The following MAPK8IP3 variants were observed in gnomAD, a reference collection of about 807,000 sequenced individuals.
The protein encoded by MAPK8IP3 is C-Jun-amino-terminal kinase-interacting protein 3.
In MAPK8IP3, 49 loss-of-function variants were observed where a neutral mutation model predicts 157.8. That is an observed-to-expected ratio of 0.31 (90% confidence interval 0.25 to 0.39). The LOEUF (loss-of-function observed/expected upper bound fraction) is 0.39. MAPK8IP3 is among the 10% of genes least tolerant of loss of function. MAPK8IP3 has a pLI of 1.00. For missense variants in MAPK8IP3, 1,478 were observed against 1,889.4 expected, an observed-to-expected ratio of 0.78 and a Z score of 4.04; for synonymous variants, 897 against 777.7, an observed-to-expected ratio of 1.15 and a Z score of -2.55.
chr16:1,761,827 T>C (rs1415881038), intron 13 of MAPK8IP3, among the ~76,000 whole-genome samples: 2 of 152,238 alleles, frequency 1.3e-5, no homozygotes, highest in Non-Finnish European at 2.9e-5. Context: ...CCATTCACCA[T>C]TCACCATTCA....
intron 7 of MAPK8IP3, 33 bp from the exon 8 acceptor site, chr16:1,748,569 C>T (rs1410311887): frequency 1.3e-6 from 2 of 1,566,678 alleles, no homozygotes; most frequent in Admixed American, 1.7e-5. Context: ...CCCACTGACT[C>T]TGCTCTCTCT....
chr16:1,752,534 G>C (rs749720769), intron 8 of MAPK8IP3: 1 of 345,958 alleles, frequency 2.9e-6, no homozygotes, highest in Non-Finnish European at 5.8e-6. Flanking sequence ...CCTGCGCCTA[G>C]GAGTTCAAGA....
Position 1,706,429 on chromosome 16 carries a change from G to C in MAPK8IP3, c.90G>C (p.Ser30=), listed in dbSNP as rs368783950. ...GCTCGGTGATGTCGGAGCGGGTGTC[G>C]GGCCTGGCGGGCTCCATCTACCGCG... ...CSGSVMSERV[S]GLAGSIYREF... The change falls in exon 1 of 32, where the codon TCG becomes TCC. Residue 30 remains serine, a synonymous_variant. Coordinates refer to ENST00000610761, the MANE Select transcript of MAPK8IP3 (RefSeq NM_001318852.2). This position sits in a 1 kb window ranked among gnomAD's most constrained non-coding sequence, Gnocchi z 5.1. 1 of 1,613,746 alleles carries C rather than the reference G, an allele frequency of 6.2e-7. No individual in the cohort carries two copies. Among genetic ancestry groups the C allele is most frequent in the Non-Finnish European group, 8.5e-7 (1 of 1,179,918 alleles).
rs200111591 is a variant in MAPK8IP3 at position 1,765,985 on chromosome 16, C to G, written c.2472C>G (p.Pro824=). Residue 824 remains proline, a synonymous_variant, in exon 21 of 32, where the codon CCC becomes CCG. Transcript: ENST00000610761. The part of the protein sequence containing the change: ...IPAASDSDYP[P]GEMFLDSDVN... ...CGGCCAGCGACAGCGACTACCCTCC[C>G]GGGGAGATGTTCCTGGACAGCGACG... 3 of 1,612,392 alleles carry G rather than the reference C, an allele frequency of 1.9e-6. No individual in the cohort carries two copies. In the East Asian group the frequency reaches 6.7e-5, roughly 36 times the overall value.
At position 1,764,464 on chromosome 16, in the gene MAPK8IP3, G is replaced by A. The variant is rs372559150; in HGVS notation, c.2280+5G>A. The A allele has an allele frequency of 1.9e-6, 3 of 1,607,474 alleles. No homozygotes were observed. In the East Asian group the frequency reaches 6.7e-5, roughly 36 times the overall value. ...ACGTCTCCCGAGAAGAAGAAGGTGA[G>A]CATGGCCGAGGCCACCGGGCACCCT... is the stretch of plus-strand genomic sequence containing the variant. On this transcript the variant is annotated splice_donor_5th_base_variant and intron_variant, in intron 19 of 31. Coordinates refer to ENST00000610761, the MANE Select transcript of MAPK8IP3 (RefSeq NM_001318852.2).
intron 4 of MAPK8IP3, among the ~76,000 whole-genome samples, chr16:1,735,341 C>T (rs2039607141): frequency 6.7e-6 from 1 of 149,934 alleles, no homozygotes; most frequent in Non-Finnish European, 1.5e-5. Context: ...AGTGAGCGTC[C>T]ATGTGAGCGT....
At chr16:1,731,121 CAG>C (rs908584305) in intron 4 of MAPK8IP3, among the ~76,000 whole-genome samples, 2 of 151,940 alleles carry the variant, frequency 1.3e-5, no homozygotes, top group African/African-American at 2.4e-5. Context: ...GCCTGGGCGA[CAG>C]AGAGTCCATC....
In MAPK8IP3 at chr16:1,741,464, C is replaced by A. The variant is rs2040675548; in HGVS notation, c.603-1868C>A. 6.6e-6 allele frequency among the ~76,000 whole-genome samples: 1 copy of A among 152,142 alleles called. No individual in the cohort carries two copies. Among genetic ancestry groups the A allele is most frequent in the South Asian group, 2.1e-4 (1 of 4,832 alleles). ...GCCGTACATGCATTCCCTTGGCCTC[C>A]TGGGAGACCAGAGGCCCCTCTGACC... is the stretch of plus-strand genomic sequence containing the variant. On this transcript the variant is annotated intron_variant, in intron 4 of 31. Transcript: ENST00000610761. The surrounding 1 kb of genome is among the most constrained non-coding windows in gnomAD (Gnocchi z 6.9).
Position 1,767,190 on chromosome 16 carries a change from G to C in MAPK8IP3, c.3130G>C (p.Gly1044Arg). Reference protein sequence around the residue: ...DLSNYHLMDLGHPHHSIRCMA... With the variant: ...DLSNYHLMDLRHPHHSIRCMA... ...GAGCAACTATCACCTAATGGACCTG[G>C]GCCACCCGCACCACTCCATCCGCTG... The change falls in exon 26 of 32, where the codon GGC (glycine) becomes CGC (arginine). Residue 1044 changes from glycine (G) to arginine (R), a missense_variant. Physicochemically the swap from Gly to Arg is moderately radical, Grantham distance 125 (BLOSUM62 -2). Transcript: ENST00000610761. 1 of 1,613,292 alleles carries C rather than the reference G, an allele frequency of 6.2e-7. No individual in the cohort carries two copies. The highest frequency in any genetic ancestry group is 1.1e-5 in the South Asian group (1 of 91,088).
chr16:1,758,722 T>C (rs2041763204), intron 9 of MAPK8IP3, among the ~76,000 whole-genome samples: 1 of 152,222 alleles, frequency 6.6e-6, no homozygotes, highest in Non-Finnish European at 1.5e-5. Context: ...GATGTTAGCT[T>C]CCTGCTCCAC....
At position 1,764,338 on chromosome 16, in the gene MAPK8IP3, G is replaced by A. The variant is rs780589609; in HGVS notation, c.2159G>A (p.Arg720Lys). 93 of 1,577,328 alleles carry A rather than the reference G, an allele frequency of 5.9e-5. No homozygotes were observed. The highest frequency in any genetic ancestry group is 7.8e-5 in the Non-Finnish European group (91 of 1,162,780). The change falls in exon 19 of 32, where the codon AGG (arginine) becomes AAG (lysine). Residue 720 changes from arginine (R) to lysine (K), a missense_variant. Arg to Lys is a conservative substitution (Grantham distance 26). This residue lies in a region of MAPK8IP3 where 669 missense variants were observed against 759.8 expected (regional missense o/e 0.88). Transcript: ENST00000610761. Reference protein sequence around the residue: ...CAAGVNLSGWRPNEDDAGNGV... With the variant: ...CAAGVNLSGWKPNEDDAGNGV... ...GCGGGCGTCAACCTGAGCGGGTGGA[G>A]GCCCAATGAGGACGACGCTGGGAAT...
At chr16:1,746,302 A>G (rs953871234) in intron 5 of MAPK8IP3, 4 of 152,206 alleles carry the variant, frequency 2.6e-5, no homozygotes, top group Non-Finnish European at 5.9e-5. Flanking sequence ...CGCATTCCGC[A>G]TTAGTCACAT....
At chr16:1,760,165 G>A (rs991650919) in intron 11 of MAPK8IP3, 150 bp downstream of exon 11, 2 of 998,020 alleles carry the variant, frequency 2.0e-6, no homozygotes, top group African/African-American at 1.6e-5. Flanking sequence ...CTTGGAGCAG[G>A]ACTCTGCCTG....
intron 4 of MAPK8IP3, among the ~76,000 whole-genome samples, chr16:1,736,425 C>T (rs549053797): frequency 1.3e-4 from 7 of 54,788 alleles, no homozygotes; most frequent in African/African-American, 5.5e-4. Flanking sequence ...TGTAAGCATC[C>T]GTGTGAGCGT....
intron 4 of MAPK8IP3, among the ~76,000 whole-genome samples, chr16:1,739,176 A>G (rs1390568819): frequency 8.7e-5 from 9 of 103,200 alleles, no homozygotes; most frequent in East Asian, 3.3e-4. Flanking sequence ...GTGACCATCC[A>G]TGTGAGCATC....
At chr16:1,759,280 T>C (rs2041800187) in intron 10 of MAPK8IP3, among the ~76,000 whole-genome samples, 1 of 152,084 alleles carries the variant, frequency 6.6e-6, no homozygotes, top group African/African-American at 2.4e-5. Flanking sequence ...AGGCCCATGT[T>C]TGAGGCAAGG....
intron 1 of MAPK8IP3, among the ~76,000 whole-genome samples, chr16:1,721,189 T>C (rs2038495338): frequency 6.6e-6 from 1 of 150,428 alleles, no homozygotes; most frequent in African/African-American, 2.5e-5. Context: ...ATACATTAGC[T>C]GGATGTGGTG....
intron 4 of MAPK8IP3, among the ~76,000 whole-genome samples, chr16:1,739,859 CGT>C (rs1320187246): frequency 9.8e-6 from 1 of 102,410 alleles, no homozygotes; most frequent in African/African-American, 3.9e-5. Context: ...TCCGTGTGAC[CGT>C]GTGAGCCTGT....
Position 1,747,917 on chromosome 16 carries a change from G to A in MAPK8IP3, c.995-327G>A, listed in dbSNP as rs187689379. On this transcript the variant is annotated intron_variant, in intron 6 of 31. Transcript: ENST00000610761. ...CCCCACGGCACACAGGCCAGTGAGG[G>A]AAAGAGAAGAGGGGAATGAGGGCCG... Among the ~76,000 whole-genome samples, 721 of 152,368 alleles carry A rather than the reference G, an allele frequency of 4.7e-3. 3 individuals carry two copies. Among genetic ancestry groups the A allele is most frequent in the African/African-American group, 0.017 (696 of 41,592 alleles).
Sources: gnomAD v4.1 joint callset for allele counts (sites outside exome capture counted in the v4.1 genomes callset) on GRCh38, gnomAD v4.1.1 for gene constraint, gnomAD v4.1.1 regional missense constraint, Gnocchi (gnomAD v3.1) non-coding constraint, MANE v1.5 for transcripts, NCBI Gene and HGNC (gene_info 2026-07-23, HGNC 2026-07-21) for gene names.